The following RNF38 variants were observed in gnomAD, a reference collection of about 807,000 sequenced individuals.
RNF38 encodes the protein E3 ubiquitin-protein ligase RNF38.
RNF38 carries 15 observed loss-of-function variants against 67.2 expected under a neutral mutation model. The ratio of observed to expected loss-of-function variants is 0.22; its 90% CI spans 0.15 to 0.34. RNF38 has a LOEUF of 0.34. Ranked by LOEUF, RNF38 falls within the 10% of genes least tolerant of loss-of-function variation. RNF38 has a pLI of 1.00. For synonymous variants in RNF38, 220 were observed against 218.8 expected, an observed-to-expected ratio of 1.01 and a Z score of -0.05; for missense variants, 524 against 639.9, an observed-to-expected ratio of 0.82 and a Z score of 1.95.
At chr9:36,472,202 G>A (rs1840014127) in intron 1 of RNF38, among the ~76,000 whole-genome samples, 1 of 152,094 alleles carries the variant, frequency 6.6e-6, no homozygotes, top group Non-Finnish European at 1.5e-5. Flanking sequence ...CTAAACCTAA[G>A]GTTATTTTAA....
chr9:36,478,256 T>C (rs1308298262), intron 1 of RNF38, among the ~76,000 whole-genome samples: 1 of 150,508 alleles, frequency 6.6e-6, no homozygotes, highest in African/African-American at 2.4e-5. Flanking sequence ...TACAAAAAAT[T>C]ACCCGGGCGT....
At chr9:36,379,657 A>G (rs906863929) in intron 2 of RNF38, among the ~76,000 whole-genome samples, 37 of 152,348 alleles carry the variant, frequency 2.4e-4, no homozygotes, top group Admixed American at 7.2e-4. Flanking sequence ...AGTAACCCAG[A>G]GAGTACAATG....
intron 2 of RNF38, among the ~76,000 whole-genome samples, chr9:36,380,479 C>A (rs1355708708): frequency 2.0e-5 from 3 of 151,384 alleles, no homozygotes; most frequent in Non-Finnish European, 4.4e-5. Context: ...GGATTACAGG[C>A]GTGAGCCACT....
chr9:36,379,093 T>C (rs1342438272), intron 2 of RNF38, among the ~76,000 whole-genome samples: 3 of 151,292 alleles, frequency 2.0e-5, no homozygotes, highest in African/African-American at 7.3e-5. Flanking sequence ...AGAGATGGGG[T>C]TTCTCTGTGT....
intron 1 of RNF38, among the ~76,000 whole-genome samples, chr9:36,436,647 C>A (rs1298072206): frequency 1.3e-5 from 2 of 151,628 alleles, no homozygotes; most frequent in African/African-American, 4.9e-5. Flanking sequence ...CAAGGTGAAA[C>A]CCCTTCTCTA....
At chr9:36,453,049 A>G (rs1839495526) in intron 1 of RNF38, among the ~76,000 whole-genome samples, 1 of 152,064 alleles carries the variant, frequency 6.6e-6, no homozygotes. Context: ...CAGTAATTCT[A>G]TATTAAACTT....
chr9:36,378,924 GA>G, intron 2 of RNF38, among the ~76,000 whole-genome samples: 1 of 151,018 alleles, frequency 6.6e-6, no homozygotes, highest in Non-Finnish European at 1.5e-5. Context: ...TTTTGAGACG[GA>G]GTTTCACTCT....
chr9:36,434,715 C>A (rs1389143155), intron 1 of RNF38, among the ~76,000 whole-genome samples: 1 of 152,132 alleles, frequency 6.6e-6, no homozygotes, highest in Admixed American at 6.6e-5. Context: ...ACCAGATATT[C>A]CAATCCTAAA....
chr9:36,381,918 C>A (rs572835379), intron 2 of RNF38, among the ~76,000 whole-genome samples: 16 of 152,304 alleles, frequency 1.1e-4, no homozygotes, highest in African/African-American at 3.8e-4. Flanking sequence ...AGAGTTGGGT[C>A]TTTCCATTAA....
At position 36,400,235 on chromosome 9, in the gene RNF38, G is replaced by A; in HGVS notation, c.-127C>T. The A allele has an allele frequency of 7.0e-7, 1 of 1,438,264 alleles. No homozygotes were observed. 89.1% of individuals were successfully genotyped at this position (1,438,264 alleles called of 1,614,324 possible). On this transcript the variant is annotated 5_prime_UTR_variant, in exon 1 of 12. Coordinates refer to ENST00000259605, the MANE Select transcript of RNF38 (RefSeq NM_022781.5). ...AACTTGCATCCCCTGAGAACAAAAC[G>A]CAGCCTATCCAGAAACCCACGGAAG... is the stretch of plus-strand genomic sequence containing the variant.
chr9:36,346,320 C>T (rs1026601256), intron 9 of RNF38, among the ~76,000 whole-genome samples: 4 of 152,058 alleles, frequency 2.6e-5, no homozygotes, highest in African/African-American at 9.7e-5. Context: ...ATTCTCTTGC[C>T]TCCTCCTCCT....
At chr9:36,356,179 T>C (rs772634721) in intron 6 of RNF38, 124 bp downstream of exon 6, 19 of 905,256 alleles carry the variant, frequency 2.1e-5, no homozygotes, top group Non-Finnish European at 3.0e-5. Context: ...CATTTAAACA[T>C]AGTAACTTAG....
intron 2 of RNF38, among the ~76,000 whole-genome samples, chr9:36,415,931 G>C (rs1293481433): frequency 2.6e-5 from 4 of 151,966 alleles, no homozygotes; most frequent in Non-Finnish European, 5.9e-5. Flanking sequence ...GGCTTCAGTT[G>C]GTTGGCCTCC....
intron 1 of RNF38, among the ~76,000 whole-genome samples, chr9:36,468,130 T>TA: frequency 6.6e-6 from 1 of 151,096 alleles, no homozygotes; most frequent in East Asian, 2.0e-4. Flanking sequence ...CTGTTGTCCC[T>TA]ACTCAAGAGG....
chr9:36,443,515 C>T (rs1481388473), intron 1 of RNF38, among the ~76,000 whole-genome samples: 1 of 152,108 alleles, frequency 6.6e-6, no homozygotes, highest in African/African-American at 2.4e-5. Flanking sequence ...AATACAACAA[C>T]CACTCAGTTG....
intron 1 of RNF38, among the ~76,000 whole-genome samples, chr9:36,450,757 A>T (rs1839417447): frequency 6.6e-6 from 1 of 152,162 alleles, no homozygotes; most frequent in African/African-American, 2.4e-5. Context: ...TCTACTAAAA[A>T]TACAAAAATG....
At chr9:36,388,746 A>G (rs759286968) in intron 2 of RNF38, among the ~76,000 whole-genome samples, 13 of 152,184 alleles carry the variant, frequency 8.5e-5, no homozygotes, top group Admixed American at 6.5e-5. Flanking sequence ...AAATGAAAAC[A>G]CAGGCAAATC....
intron 4 of RNF38, among the ~76,000 whole-genome samples, chr9:36,361,407 C>A (rs1384950104): frequency 7.5e-6 from 1 of 133,090 alleles, no homozygotes; most frequent in East Asian, 2.3e-4. Flanking sequence ...TCGTGATCCG[C>A]CCGCCTCGGC....
Position 36,338,805 on chromosome 9 carries a change from T to A in RNF38, c.*947A>T, listed in dbSNP as rs972989998. On this transcript the variant is annotated 3_prime_UTR_variant, in exon 12 of 12. Transcript: ENST00000259605. The stretch of plus-strand genomic sequence containing the variant: ...TTCTGTAAGAAACTTACTGGAAATG[T>A]AAAGGAAAAAAAAGTATCAACATTC... 1 of 152,362 alleles carries A rather than the reference T, an allele frequency of 6.6e-6. No homozygotes were observed. Among genetic ancestry groups the A allele is most frequent in the African/African-American group, 2.4e-5 (1 of 41,322 alleles). 9.4% of individuals were successfully genotyped at this position (152,362 alleles called of 1,614,324 possible).
Sources: allele counts gnomAD v4.1 joint callset (sites outside exome capture counted in the v4.1 genomes callset), GRCh38; gene constraint gnomAD v4.1.1; transcripts MANE v1.5; gene names NCBI Gene and HGNC (gene_info 2026-07-23, HGNC 2026-07-21).